The following MEIS3 variants were observed in gnomAD, a reference collection of about 807,000 sequenced individuals.
MEIS3 encodes the protein homeobox protein Meis3.
MEIS3 carries 38 observed loss-of-function variants against 51.4 expected under a neutral mutation model. The ratio of observed to expected loss-of-function variants is 0.74; its 90% CI spans 0.57 to 0.97. The LOEUF is 0.97. MEIS3 is among the 50% of genes least tolerant of loss of function. The pLI, the probability that MEIS3 is intolerant of heterozygous loss-of-function variation, is 0.00. For missense variants in MEIS3, 456 were observed against 502.6 expected, an observed-to-expected ratio of 0.91 and a Z score of 0.89; for synonymous variants, 198 against 201.8, an observed-to-expected ratio of 0.98 and a Z score of 0.16.
intron 4 of MEIS3, 33 bp from the exon 5 acceptor site, chr19:47,415,134 G>T: frequency 1.5e-6 from 2 of 1,299,108 alleles, no homozygotes; most frequent in Non-Finnish European, 2.2e-6. Context: ...GGGGGAGACA[G>T]AGGGAATTGG....
chr19:47,416,807 C>CT lies in MEIS3; in HGVS notation c.341dup (p.Gln115AlafsTer5). On this transcript the variant is annotated frameshift_variant, in exon 3 of 13. Coordinates refer to ENST00000558555, the MANE Select transcript of MEIS3 (RefSeq NM_001301059.2). LOFTEE classifies it high-confidence loss of function. Reference sequence around the variant, plus strand: ...GTGGTGGGTGGGAGGTGCCCACCTGCTTGGCAAAGGCAGCGATGTCCTCGT... The same window carrying CT: ...GTGGTGGGTGGGAGGTGCCCACCTGCTTTGGCAAAGGCAGCGATGTCCTCGT... The CT allele has an allele frequency of 1.2e-6, 2 of 1,613,508 alleles. No individual in the cohort carries two copies. The highest frequency in any genetic ancestry group is 1.7e-6 in the Non-Finnish European group (2 of 1,179,790).
chr19:47,406,423 G>A, intron 12 of MEIS3, 37 bp downstream of exon 12: 3 of 1,578,168 alleles, frequency 1.9e-6, no homozygotes, highest in Non-Finnish European at 2.6e-6. Context: ...ATGGAGGTTT[G>A]AGAATTGCAC....
intron 4 of MEIS3, chr19:47,415,768 TTCATCATTTGG>T (rs1356711420): frequency 2.0e-5 from 3 of 152,336 alleles, no homozygotes; most frequent in Non-Finnish European, 2.9e-5. Context: ...GAGACAGGGT[TTCATCATTTGG>T]TCAGGCTGGT....
intron 1 of MEIS3, chr19:47,417,890 A>C: frequency 1.7e-6 from 1 of 585,230 alleles, no homozygotes; most frequent in Non-Finnish European, 3.0e-6. Context: ...CCACGTGCAC[A>C]CTCATGTGTC....
intron 8 of MEIS3, 190 bp from the exon 9 acceptor site, chr19:47,407,618 A>T (rs1184490714): frequency 2.2e-6 from 3 of 1,375,182 alleles, no homozygotes; most frequent in Non-Finnish European, 2.9e-6. Flanking sequence ...GGGCAATTAC[A>T]TGCCTGCCAG....
chr19:47,420,086 C>T (rs773027389), upstream of MEIS3, among the ~76,000 whole-genome samples: 5 of 152,156 alleles, frequency 3.3e-5, no homozygotes, highest in African/African-American at 4.8e-5. Context: ...GCGGGCTCTG[C>T]CCCCGTGGCT....
chr19:47,419,110 C>G lies in MEIS3; in HGVS notation c.-29G>C. 1 of 1,232,128 alleles carries G rather than the reference C, an allele frequency of 8.1e-7. No homozygotes were observed. Among genetic ancestry groups the G allele is most frequent in the Middle Eastern group, 3.0e-4 (1 of 3,300 alleles). 76.3% of individuals were successfully genotyped at this position (1,232,128 alleles called of 1,614,324 possible). A position where few individuals can be genotyped will look rare whatever the true frequency, so the allele number is the denominator to read the frequency against. On this transcript the variant is annotated 5_prime_UTR_variant, in exon 1 of 13. Transcript: ENST00000558555. ...CTGAGGCCGGCGGCAGCTCCTGGGT[C>G]CCTCCAGAGCCTGGCCGCGGGGGAG...
intron 12 of MEIS3, among the ~76,000 whole-genome samples, 164 bp from the exon 13 acceptor site, chr19:47,403,717 G>A (rs1280148916): frequency 6.6e-6 from 1 of 152,120 alleles, no homozygotes; most frequent in Non-Finnish European, 1.5e-5. Flanking sequence ...GAGAAGAGAC[G>A]CAGTGACGAG....
At chr19:47,407,634 G>A (rs763935927) in intron 8 of MEIS3, 297 of 1,311,218 alleles carry the variant, frequency 2.3e-4, no homozygotes, top group Non-Finnish European at 2.9e-4. Flanking sequence ...GCCAGCCCCC[G>A]CCTGTTCCAG....
rs748224745 is a variant in MEIS3 at position 47,414,709 on chromosome 19, G to A, written c.597+8C>T. On this transcript the variant is annotated splice_region_variant and intron_variant, in intron 6 of 12. Transcript: ENST00000558555. The stretch of plus-strand genomic sequence containing the variant: ...CAGGACGATGCCTGGTGCCCGTCCC[G>A]GGCCCACCTGGTCTGGGAGGCTGGG... The A allele has an allele frequency of 1.3e-5, 20 of 1,585,814 alleles. No individual in the cohort carries two copies. The highest frequency in any genetic ancestry group is 6.9e-5 in the East Asian group (3 of 43,482).
chr19:47,407,670 T>A, intron 8 of MEIS3: 1 of 898,298 alleles, frequency 1.1e-6, no homozygotes, highest in Non-Finnish European at 1.6e-6. Flanking sequence ...TGGCCAGCTC[T>A]GATTAGAGAG....
Position 47,417,403 on chromosome 19 carries a change from CGAGA to C in MEIS3, c.13-57_13-54del, listed in dbSNP as rs1971496258. 6 of 1,600,834 alleles carry C rather than the reference CGAGA, an allele frequency of 3.7e-6. No individual in the cohort carries two copies. The South Asian group carries it at 6.6e-5, about 18-fold the overall frequency. On this transcript the variant is annotated intron_variant, in intron 1 of 12. Coordinates refer to ENST00000558555, the MANE Select transcript of MEIS3 (RefSeq NM_001301059.2). Reference sequence around the variant, plus strand: ...GAGCCCCAGGGAGGGGTCAGCACCCCGAGACTCGGCTGAGGAGCTTCTCTATCCT... The same window carrying C: ...GAGCCCCAGGGAGGGGTCAGCACCCCCTCGGCTGAGGAGCTTCTCTATCCT...
rs1252401527 is a variant in MEIS3 at position 47,406,926 on chromosome 19, T to C, written c.1040A>G (p.Tyr347Cys). The C allele has an allele frequency of 6.3e-7, 1 of 1,579,670 alleles. No homozygotes were observed. The highest frequency in any genetic ancestry group is 2.3e-5 in the East Asian group (1 of 43,458). Reference protein sequence around the residue: ...FSPEGQPIGGYTETQPHVAVR... With the variant: ...FSPEGQPIGGCTETQPHVAVR... ...GGCCACGTGTGGCTGCGTCTCGGTA[T>C]AGCCCCCGATGGGCTGGCCCTCTGG... is the stretch of plus-strand genomic sequence containing the variant. The change falls in exon 11 of 13, where the codon TAT (tyrosine) becomes TGT (cysteine). Residue 347 changes from tyrosine to cysteine, a missense_variant. Tyr to Cys is a radical substitution (Grantham distance 194). Transcript: ENST00000558555.
At chr19:47,411,542 CTTTTTTTTTT>C (rs1249273264) in intron 6 of MEIS3, among the ~76,000 whole-genome samples, 2 of 96,010 alleles carry the variant, frequency 2.1e-5, no homozygotes, top group African/African-American at 6.8e-5. Flanking sequence ...TTTTTCTTTT[CTTTTTTTTTT>C]TTTTTTGAGA....
In MEIS3 at chr19:47,417,211, T is replaced by G. The variant is rs772452906; in HGVS notation, c.152A>C (p.Asp51Ala). 6.4e-7 allele frequency: 1 copy of G among 1,571,590 alleles called. No homozygotes were observed. The highest frequency in any genetic ancestry group is 1.9e-5 in the Admixed American group (1 of 51,506). The change falls in exon 2 of 13, where the codon GAC (aspartate) becomes GCC (alanine). Residue 51 changes from aspartate (D) to alanine (A), a missense_variant. Transcript: ENST00000558555. Reference sequence around the variant, plus strand: ...CTCATCCTTCTCCCTCTTCAGGCCGTCGCTGTCCAAGCCTGGGGGCAGGGG... The same window carrying G: ...CTCATCCTTCTCCCTCTTCAGGCCGGCGCTGTCCAAGCCTGGGGGCAGGGG... ...PQPLPPGLDSDGLKREKDEIY... is the reference protein window; with the variant it reads ...PQPLPPGLDSAGLKREKDEIY...
rs989222249 is a variant in MEIS3 at position 47,406,265 on chromosome 19, G to A, written c.*17+195C>T. On this transcript the variant is annotated intron_variant, in intron 12 of 12. Coordinates refer to ENST00000558555, the MANE Select transcript of MEIS3 (RefSeq NM_001301059.2). Reference sequence around the variant, plus strand: ...GAGTGGGTAGATGGATGGATACATGGAGGAGGAGGATGGATGGATGGATGG... The same window carrying A: ...GAGTGGGTAGATGGATGGATACATGAAGGAGGAGGATGGATGGATGGATGG... The A allele has an allele frequency of 1.3e-5, 7 of 521,926 alleles. No individual in the cohort carries two copies. The South Asian group carries it at 2.0e-4, about 15-fold the overall frequency. The allele number at this position is 521,926 out of a possible 1,614,324, so 32.3% of individuals were successfully genotyped here.
intron 1 of MEIS3, chr19:47,417,618 T>A: frequency 1.4e-6 from 1 of 702,758 alleles, no homozygotes; most frequent in Non-Finnish European, 2.6e-6. Flanking sequence ...AGGGTCTGGC[T>A]GGGAGGGAAA....
At chr19:47,420,184 A>G (rs1971653918), upstream of MEIS3, among the ~76,000 whole-genome samples, 1 of 152,220 alleles carries the variant, frequency 6.6e-6, no homozygotes, top group East Asian at 1.9e-4. Context: ...CACCCCAGAT[A>G]GGGGTTTTGG....
At chr19:47,411,264 C>G (rs1201571474) in intron 6 of MEIS3, among the ~76,000 whole-genome samples, 1 of 152,126 alleles carries the variant, frequency 6.6e-6, no homozygotes, top group East Asian at 1.9e-4. Flanking sequence ...AATAAATCAG[C>G]GCATACACCA....
Sources: allele counts gnomAD v4.1 joint callset (sites outside exome capture counted in the v4.1 genomes callset), GRCh38; gene constraint gnomAD v4.1.1; transcripts MANE v1.5; gene names NCBI Gene and HGNC (gene_info 2026-07-23, HGNC 2026-07-21).